MRPS28: variants seen among roughly 807,000 people sequenced by gnomAD.
The protein encoded by MRPS28 is small ribosomal subunit protein bS1m.
A neutral mutation model predicts 10.8 loss-of-function variants in MRPS28; 7 were observed. That is an observed-to-expected ratio of 0.65 (90% confidence interval 0.37 to 1.22). MRPS28 has a LOEUF of 1.22. MRPS28 is among the 50% of genes most tolerant of loss of function. The pLI, the probability that MRPS28 is intolerant of heterozygous loss-of-function variation, is 0.02. For missense variants in MRPS28, 265 were observed against 232.9 expected (o/e 1.14, Z -0.90); for synonymous variants, 121 against 93.3 (o/e 1.30, Z -1.71).
At chr8:79,934,415 G>A (rs1414257347) in intron 2 of MRPS28, among the ~76,000 whole-genome samples, 1 of 152,016 alleles carries the variant, frequency 6.6e-6, no homozygotes, top group African/African-American at 2.4e-5. Context: ...GCAATTAAAA[G>A]GCCATAAAAA....
At chr8:80,022,965 A>T (rs568423489) in intron 1 of MRPS28, among the ~76,000 whole-genome samples, 1 of 152,232 alleles carries the variant, frequency 6.6e-6, no homozygotes, top group East Asian at 1.9e-4. Flanking sequence ...TACAGAACAT[A>T]TACATCTTTT....
chr8:79,975,567 T>C (rs1422759706), intron 2 of MRPS28, among the ~76,000 whole-genome samples: 2 of 152,074 alleles, frequency 1.3e-5, no homozygotes, highest in African/African-American at 4.8e-5. Context: ...AAAAGACTAA[T>C]GAGCAACCAG....
At chr8:79,996,103 T>G (rs899875172) in intron 2 of MRPS28, among the ~76,000 whole-genome samples, 3 of 151,996 alleles carry the variant, frequency 2.0e-5, no homozygotes, top group African/African-American at 7.2e-5. Context: ...TCTAACAAGG[T>G]TCAAAGAAAG....
intron 1 of MRPS28, among the ~76,000 whole-genome samples, chr8:80,027,252 T>C (rs1338938497): frequency 1.3e-5 from 2 of 152,246 alleles, no homozygotes; most frequent in African/African-American, 2.4e-5. Flanking sequence ...CCAGTCAATG[T>C]ACTGAGAGCA....
intron 1 of MRPS28, among the ~76,000 whole-genome samples, chr8:80,025,186 T>C (rs1346209382): frequency 6.6e-6 from 1 of 152,206 alleles, no homozygotes; most frequent in Non-Finnish European, 1.5e-5. Flanking sequence ...TAGCACTTAC[T>C]ATAAAGTCAA....
chr8:79,951,517 C>T (rs904254044), intron 2 of MRPS28, among the ~76,000 whole-genome samples: 2 of 152,140 alleles, frequency 1.3e-5, no homozygotes, highest in African/African-American at 4.8e-5. Context: ...ACTTCCCCAC[C>T]CCTACCTTGG....
At chr8:79,965,026 G>T (rs1807469297) in intron 2 of MRPS28, among the ~76,000 whole-genome samples, 1 of 152,064 alleles carries the variant, frequency 6.6e-6, no homozygotes, top group Non-Finnish European at 1.5e-5. Context: ...TATGGATGCT[G>T]TATATGTGAC....
chr8:79,988,680 G>A (rs550614755), intron 2 of MRPS28, among the ~76,000 whole-genome samples: 28 of 152,194 alleles, frequency 1.8e-4, no homozygotes, highest in African/African-American at 6.5e-4. Context: ...AATTATTATA[G>A]TGCTGTGATT....
intron 2 of MRPS28, among the ~76,000 whole-genome samples, chr8:79,950,307 C>A (rs1246287812): frequency 2.0e-5 from 3 of 152,174 alleles, no homozygotes; most frequent in African/African-American, 2.4e-5. Flanking sequence ...CATTCTCTAG[C>A]AGCCTTTCTC....
At chr8:80,003,241 T>C in intron 1 of MRPS28, 61 bp from the exon 2 acceptor site, 1 of 1,234,140 alleles carries the variant, frequency 8.1e-7, no homozygotes, top group Non-Finnish European at 1.1e-6. Context: ...AATAAAGTCT[T>C]AAAGAAATTT....
chr8:80,016,242 C>A (rs1809191526), intron 1 of MRPS28, among the ~76,000 whole-genome samples: 1 of 152,072 alleles, frequency 6.6e-6, no homozygotes, highest in African/African-American at 2.4e-5. Flanking sequence ...CATATAGTAT[C>A]ATTTTCAAAC....
At chr8:79,949,862 C>T (rs1807036814) in intron 2 of MRPS28, among the ~76,000 whole-genome samples, 2 of 152,112 alleles carry the variant, frequency 1.3e-5, no homozygotes, top group South Asian at 2.1e-4. Flanking sequence ...TTCTGTATTT[C>T]GTCTTCTATA....
At chr8:79,988,214 T>C (rs372563703) in intron 2 of MRPS28, among the ~76,000 whole-genome samples, 14 of 138,010 alleles carry the variant, frequency 1.0e-4, no homozygotes, top group Admixed American at 2.5e-4. Flanking sequence ...TAGGTGGGAA[T>C]TGAACAATGA....
chr8:80,008,204 A>G (rs1563541327), intron 1 of MRPS28, among the ~76,000 whole-genome samples: 1 of 152,236 alleles, frequency 6.6e-6, no homozygotes, highest in Non-Finnish European at 1.5e-5. Flanking sequence ...TGGTGCTGGG[A>G]AAACTGGCTA....
intron 2 of MRPS28, among the ~76,000 whole-genome samples, chr8:79,995,505 T>G (rs1297227514): frequency 6.6e-6 from 1 of 152,184 alleles, no homozygotes; most frequent in Non-Finnish European, 1.5e-5. Context: ...TGTTAAAGTC[T>G]CAACCATGAT....
intron 1 of MRPS28, among the ~76,000 whole-genome samples, chr8:80,007,818 AATCAAT>A (rs1196122731): frequency 6.6e-6 from 1 of 152,266 alleles, no homozygotes; most frequent in Non-Finnish European, 1.5e-5. Context: ...GAATAGGAAG[AATCAAT>A]ATCATGAAAA....
chr8:80,014,970 G>T (rs1809157424), intron 1 of MRPS28, among the ~76,000 whole-genome samples: 1 of 152,190 alleles, frequency 6.6e-6, no homozygotes, highest in South Asian at 2.1e-4. Context: ...TGAATGCAGA[G>T]AACTACTGAA....
intron 2 of MRPS28, among the ~76,000 whole-genome samples, chr8:79,997,194 G>A (rs2130140353): frequency 6.6e-6 from 1 of 152,238 alleles, no homozygotes; most frequent in Admixed American, 6.5e-5. Context: ...TTCCCATGAT[G>A]GGAAAAGTGC....
At chr8:80,015,063 C>T (rs1463518226) in intron 1 of MRPS28, among the ~76,000 whole-genome samples, 6 of 152,160 alleles carry the variant, frequency 3.9e-5, no homozygotes, top group African/African-American at 1.4e-4. Flanking sequence ...TTGGTGGATG[C>T]TCAGTGGGAC....
Sources: allele counts gnomAD v4.1 joint callset (sites outside exome capture counted in the v4.1 genomes callset), GRCh38; gene constraint gnomAD v4.1.1; transcripts MANE v1.5; gene names NCBI Gene and HGNC (gene_info 2026-07-23, HGNC 2026-07-21).